The following SSBP1 variants were observed in gnomAD, a reference collection of about 807,000 sequenced individuals.
SSBP1 encodes the protein single-stranded DNA-binding protein, mitochondrial.
A neutral mutation model predicts 27.0 loss-of-function variants in SSBP1; 20 were observed. The observed-to-expected ratio is 0.74, with a 90% CI of 0.52 to 1.08. The LOEUF (loss-of-function observed/expected upper bound fraction) is 1.08, where lower values mean the gene tolerates loss of function less well. Among genes scored for constraint, SSBP1 ranks in the 50% least tolerant of loss-of-function variants. The probability of loss-of-function intolerance (pLI) is 0.00; values close to 1 mark genes in which losing one functional copy is unlikely to be tolerated. For missense variants in SSBP1, 137 were observed against 182.4 expected (o/e 0.75, Z 1.44); for synonymous variants, 59 against 59.3 (o/e 1.00, Z 0.02).
At chr7:141,740,415 A>G (rs1431853613) in intron 2 of SSBP1, 2 of 152,210 alleles carry the variant, frequency 1.3e-5, no homozygotes, top group Non-Finnish European at 2.9e-5. Flanking sequence ...CTTGAAATTA[A>G]GGAGGCAGCA....
chr7:141,745,316 A>T (rs1799737561), intron 5 of SSBP1, among the ~76,000 whole-genome samples, 180 bp from the exon 6 acceptor site: 1 of 152,222 alleles, frequency 6.6e-6, no homozygotes, highest in South Asian at 2.1e-4. Flanking sequence ...GATGTTACCA[A>T]GTCTGTTTGG....
In SSBP1 at chr7:141,745,421, C is replaced by G. The variant is rs1261966551; in HGVS notation, c.315-75C>G. ...ATATATTTCATCCTTGTCATATACTCAGTACCACCCTGACCTGACTCTTAT... is the reference window on the plus strand; with the variant it reads ...ATATATTTCATCCTTGTCATATACTGAGTACCACCCTGACCTGACTCTTAT... On this transcript the variant is annotated intron_variant, in intron 5 of 6. Transcript: ENST00000265304. The G allele has an allele frequency of 5.4e-5, 68 of 1,257,434 alleles. 1 individual carries two copies. The highest frequency in any genetic ancestry group is 6.7e-5 in the Non-Finnish European group (61 of 908,916). The allele number at this position is 1,257,434 out of a possible 1,614,324, so 77.9% of individuals were successfully genotyped here. A position where few individuals can be genotyped will look rare whatever the true frequency, so the allele number is the denominator to read the frequency against.
At chr7:141,743,418 A>G (rs1283902532) in intron 3 of SSBP1, 143 bp from the exon 4 acceptor site, 3 of 907,614 alleles carry the variant, frequency 3.3e-6, no homozygotes, top group African/African-American at 3.3e-5. Flanking sequence ...GACGTCATCT[A>G]AGCCTAATTA....
At chr7:141,744,427 C>T (rs930420695) in intron 5 of SSBP1, among the ~76,000 whole-genome samples, 4 of 152,162 alleles carry the variant, frequency 2.6e-5, no homozygotes, top group Non-Finnish European at 4.4e-5. Context: ...CCTGACATGC[C>T]AACTTCATCT....
At chr7:141,746,030 A>G (rs992352799) in intron 6 of SSBP1, 4 of 958,398 alleles carry the variant, frequency 4.2e-6, no homozygotes, top group Non-Finnish European at 5.0e-6. Context: ...TTTTAATTTT[A>G]TTTTTTTTGA....
At chr7:141,741,239 A>T (rs1167566324) in intron 2 of SSBP1, 1 of 152,244 alleles carries the variant, frequency 6.6e-6, no homozygotes, top group African/African-American at 2.4e-5. Flanking sequence ...CACACCCTAG[A>T]TCCCTCGCAT....
In SSBP1 at chr7:141,745,537, A is replaced by T; in HGVS notation, c.356A>T (p.Tyr119Phe). Residue 119 changes from tyrosine (Y) to phenylalanine (F), a missense_variant, in exon 6 of 7, where the codon TAC becomes TTC. By Grantham distance (22) the Tyr-to-Phe change is conservative. Around this residue, in one of 2 missense-constraint regions of SSBP1, gnomAD observed 95 missense variants for 152.0 expected, o/e 0.62. Coordinates refer to ENST00000265304, the MANE Select transcript of SSBP1 (RefSeq NM_003143.3). ...GAAGGGAAAATAGACTATGGTGAAT[A>T]CATGGATAAAAATAATGTGAGGCGA... Reference protein sequence around the residue: ...YLEGKIDYGEYMDKNNVRRQA... With the variant: ...YLEGKIDYGEFMDKNNVRRQA... 1.9e-6 allele frequency: 3 copies of T among 1,611,628 alleles called. No individual in the cohort carries two copies. Among genetic ancestry groups the T allele is most frequent in the Non-Finnish European group, 2.5e-6 (3 of 1,178,420 alleles).
intron 6 of SSBP1, among the ~76,000 whole-genome samples, chr7:141,748,148 C>T (rs1373915335): frequency 6.6e-6 from 1 of 151,938 alleles, no homozygotes; most frequent in African/African-American, 2.4e-5. Flanking sequence ...GCGACTTGAC[C>T]TACACCTGGA....
Position 141,739,159 on chromosome 7 carries a change from T to C in SSBP1, c.-8T>C, listed in dbSNP as rs778711693. ...AAGATTAGACTGTAAGAAAAGAAAA[T>C]AGAAGCCATGTTTCGAAGACCTGTA... On this transcript the variant is annotated 5_prime_UTR_variant, in exon 2 of 7. Coordinates refer to ENST00000265304, the MANE Select transcript of SSBP1 (RefSeq NM_003143.3). The C allele has an allele frequency of 1.9e-6, 3 of 1,595,024 alleles. No homozygotes were observed. The East Asian group carries it at 6.7e-5, about 36-fold the overall frequency.
chr7:141,742,562 C>T (rs577514100), intron 3 of SSBP1, among the ~76,000 whole-genome samples: 17 of 152,216 alleles, frequency 1.1e-4, no homozygotes, highest in African/African-American at 3.4e-4. Context: ...CAGAAATATT[C>T]CCTTGTGTTT....
chr7:141,745,702 C>A, intron 6 of SSBP1, 118 bp downstream of exon 6: 1 of 1,454,156 alleles, frequency 6.9e-7, no homozygotes. Context: ...TAAGGCAACT[C>A]ACTAGAAGAT....
chr7:141,749,922 AG>A (rs989948961), intron 6 of SSBP1, among the ~76,000 whole-genome samples: 2 of 152,236 alleles, frequency 1.3e-5, no homozygotes, highest in African/African-American at 4.8e-5. Context: ...CTAGACCCCC[AG>A]AGTGTAGAAT....
At chr7:141,738,523 A>C (rs372314172) in intron 1 of SSBP1, 113 bp downstream of exon 1, 1 of 152,640 alleles carries the variant, frequency 6.6e-6, no homozygotes, top group Non-Finnish European at 1.5e-5. Flanking sequence ...TGGCCCTTTC[A>C]TCAGTCGTGC....
At chr7:141,741,960 C>T (rs111562671) in intron 2 of SSBP1, among the ~76,000 whole-genome samples, 2 of 152,332 alleles carry the variant, frequency 1.3e-5, no homozygotes, top group African/African-American at 4.8e-5. Context: ...TACCTTCCTT[C>T]TACCTTTGGG....
intron 3 of SSBP1, 79 bp from the exon 4 acceptor site, chr7:141,743,482 C>A: frequency 6.5e-7 from 1 of 1,530,406 alleles, no homozygotes; most frequent in Non-Finnish European, 8.9e-7. Context: ...AGAGCTTCAA[C>A]ATACAAATTT....
chr7:141,740,630 T>G (rs1337363982), intron 2 of SSBP1: 1 of 152,224 alleles, frequency 6.6e-6, no homozygotes, highest in Non-Finnish European at 1.5e-5. Flanking sequence ...TATTCAGTAA[T>G]GATTGCTGCT....
intron 6 of SSBP1, among the ~76,000 whole-genome samples, 188 bp from the exon 7 acceptor site, chr7:141,750,123 C>T (rs770842181): frequency 6.6e-6 from 1 of 152,224 alleles, no homozygotes; most frequent in African/African-American, 2.4e-5. Context: ...CAGTGCCTAA[C>T]TTGTAGCTCC....
At chr7:141,738,352 T>A (rs1015884112), upstream of SSBP1, 2 of 152,302 alleles carry the variant, frequency 1.3e-5, no homozygotes, top group African/African-American at 4.8e-5. Context: ...GAGCTTTGCG[T>A]TCCCTGTGCG....
chr7:141,745,605 G>A (rs1799751148), intron 6 of SSBP1, 21 bp downstream of exon 6: 3 of 1,612,452 alleles, frequency 1.9e-6, no homozygotes, highest in Non-Finnish European at 2.5e-6. Flanking sequence ...TGTGAAAATA[G>A]CTGTTTTTTT....
Sources: gnomAD v4.1 joint callset for allele counts (sites outside exome capture counted in the v4.1 genomes callset) on GRCh38, gnomAD v4.1.1 for gene constraint, gnomAD v4.1.1 regional missense constraint, MANE v1.5 for transcripts, NCBI Gene and HGNC (gene_info 2026-07-23, HGNC 2026-07-21) for gene names.